DTNA: variants seen among roughly 807,000 people sequenced by gnomAD.
The protein encoded by DTNA is dystrobrevin alpha, also known as dystrophin-related protein 3.
In DTNA, 43 loss-of-function variants were observed where a neutral mutation model predicts 100.7. The observed-to-expected ratio is 0.43, with a 90% CI of 0.33 to 0.55. The LOEUF is 0.55. Among genes scored for constraint, DTNA ranks in the 20% least tolerant of loss-of-function variants. DTNA has a pLI of 0.04. For synonymous variants in DTNA, 349 were observed against 347.9 expected (o/e 1.00, Z -0.04); for missense variants, 798 against 953.9 (o/e 0.84, Z 2.15).
chr18:34,566,033 A>G (rs2047052471), intron 1 of DTNA, among the ~76,000 whole-genome samples: 1 of 152,234 alleles, frequency 6.6e-6, no homozygotes, highest in African/African-American at 2.4e-5. Flanking sequence ...TTAATGAAAT[A>G]CACTCAATGA....
intron 1 of DTNA, among the ~76,000 whole-genome samples, chr18:34,686,562 G>A (rs927518718): frequency 3.3e-5 from 5 of 152,094 alleles, no homozygotes; most frequent in Non-Finnish European, 5.9e-5. Context: ...GAAGATTTTT[G>A]CATCAATGTT....
intron 1 of DTNA, among the ~76,000 whole-genome samples, chr18:34,494,359 G>A (rs1244370284): frequency 7.4e-5 from 11 of 148,352 alleles, no homozygotes; most frequent in African/African-American, 2.5e-4. Flanking sequence ...TCCGGGCCCC[G>A]GGGACGGGGG....
At chr18:34,779,294 C>A (rs1290048599) in intron 3 of DTNA, among the ~76,000 whole-genome samples, 1 of 152,156 alleles carries the variant, frequency 6.6e-6, no homozygotes, top group South Asian at 2.1e-4. Context: ...TATTCATGTG[C>A]AGATGGGTTC....
chr18:34,698,494 C>A (rs181290792), intron 1 of DTNA, among the ~76,000 whole-genome samples: 2 of 152,192 alleles, frequency 1.3e-5, no homozygotes, highest in Non-Finnish European at 2.9e-5. Context: ...TGGCTTCCCC[C>A]GTTTGTATGT....
intron 1 of DTNA, among the ~76,000 whole-genome samples, chr18:34,494,368 G>T (rs1315464913): frequency 6.6e-6 from 1 of 151,514 alleles, no homozygotes; most frequent in Non-Finnish European, 1.5e-5. Flanking sequence ...CGGGGACGGG[G>T]GGCGGCGGGG....
chr18:34,816,774 T>C (rs550028982), intron 7 of DTNA, among the ~76,000 whole-genome samples: 1 of 152,336 alleles, frequency 6.6e-6, no homozygotes, highest in South Asian at 2.1e-4. Flanking sequence ...TTACTCAACT[T>C]CTGTGTATTT....
chr18:34,655,313 G>C (rs986614900), intron 1 of DTNA, among the ~76,000 whole-genome samples: 1 of 151,990 alleles, frequency 6.6e-6, no homozygotes, highest in Non-Finnish European at 1.5e-5. Flanking sequence ...GGGAAGATTA[G>C]CATCACCCAA....
At chr18:34,806,013 T>C (rs1175917482) in intron 4 of DTNA, among the ~76,000 whole-genome samples, 2 of 152,306 alleles carry the variant, frequency 1.3e-5, no homozygotes, top group Admixed American at 6.5e-5. Context: ...TAAGGAAACA[T>C]TGAATAGACA....
chr18:34,865,940 A>G (rs376455281), intron 17 of DTNA, among the ~76,000 whole-genome samples: 4 of 152,248 alleles, frequency 2.6e-5, no homozygotes, highest in African/African-American at 9.6e-5. Context: ...ATGGGCCTGT[A>G]GTCTCAAATA....
chr18:34,572,145 G>A (rs1388314615), intron 1 of DTNA, among the ~76,000 whole-genome samples: 1 of 152,146 alleles, frequency 6.6e-6, no homozygotes, highest in East Asian at 1.9e-4. Context: ...TACCCTGGCT[G>A]CACATTAGAA....
At chr18:34,662,065 C>T (rs1047196744) in intron 1 of DTNA, among the ~76,000 whole-genome samples, 5 of 151,856 alleles carry the variant, frequency 3.3e-5, no homozygotes, top group African/African-American at 1.2e-4. Flanking sequence ...ATTTTTCTAA[C>T]ACCGAGATTA....
At chr18:34,599,154 A>G (rs2051263539) in intron 1 of DTNA, among the ~76,000 whole-genome samples, 1 of 152,220 alleles carries the variant, frequency 6.6e-6, no homozygotes, top group Non-Finnish European at 1.5e-5. Flanking sequence ...GGACACTCCT[A>G]CCTTCACAAA....
At chr18:34,551,498 G>C (rs936333667) in intron 1 of DTNA, among the ~76,000 whole-genome samples, 1 of 151,878 alleles carries the variant, frequency 6.6e-6, no homozygotes, top group African/African-American at 2.4e-5. Flanking sequence ...TTTTGTCAAT[G>C]CTTGTTGGCA....
In DTNA at chr18:34,651,963, G is replaced by A. The variant is rs142217498; in HGVS notation, c.-1-104013G>A. Reference sequence around the variant, plus strand: ...CATATATAGTCCCAGGCACTCAGGAGGCTGAGGTGACAGGATCACTTGAGC... The same window carrying A: ...CATATATAGTCCCAGGCACTCAGGAAGCTGAGGTGACAGGATCACTTGAGC... On this transcript the variant is annotated intron_variant, in intron 1 of 19. Transcript: ENST00000283365. Among the ~76,000 whole-genome samples the A allele has an allele frequency of 4.6e-3, 706 of 152,102 alleles. 6 individuals are homozygous for A. Among genetic ancestry groups the A allele is most frequent in the African/African-American group, 0.016 (657 of 41,492 alleles).
chr18:34,587,133 C>A (rs1186642940), intron 1 of DTNA, among the ~76,000 whole-genome samples: 1 of 151,174 alleles, frequency 6.6e-6, no homozygotes, highest in Non-Finnish European at 1.5e-5. Context: ...AGGTAAATGC[C>A]ACCATGCCTG....
At chr18:34,706,097 C>T (rs1261727936), upstream of DTNA, among the ~76,000 whole-genome samples, 5 of 152,210 alleles carry the variant, frequency 3.3e-5, no homozygotes, top group East Asian at 1.9e-4. Flanking sequence ...ACAGGCAATA[C>T]GCCACCATGC....
chr18:34,602,123 T>C (rs1471779922), intron 1 of DTNA, among the ~76,000 whole-genome samples: 1 of 152,238 alleles, frequency 6.6e-6, no homozygotes, highest in Admixed American at 6.5e-5. Flanking sequence ...TTATTGGTAC[T>C]CTACCCTTTG....
chr18:34,708,164 T>C (rs528547413), upstream of DTNA: 1 of 152,342 alleles, frequency 6.6e-6, no homozygotes, highest in South Asian at 2.1e-4. Flanking sequence ...ACCATTGGCT[T>C]TGGTGTCAGG....
chr18:34,811,381 C>T (rs2095482679), intron 5 of DTNA, among the ~76,000 whole-genome samples: 1 of 152,108 alleles, frequency 6.6e-6, no homozygotes, highest in Non-Finnish European at 1.5e-5. Context: ...TGCCTTCCAC[C>T]CAGAAAACTG....
Sources: gnomAD v4.1 joint callset for allele counts (sites outside exome capture counted in the v4.1 genomes callset) on GRCh38, gnomAD v4.1.1 for gene constraint, MANE v1.5 for transcripts, NCBI Gene and HGNC (gene_info 2026-07-23, HGNC 2026-07-21) for gene names.